The following MAST2 variants were observed in gnomAD, a reference collection of about 807,000 sequenced individuals.
MAST2 encodes the protein microtubule-associated serine/threonine-protein kinase 2.
A neutral mutation model predicts 147.4 loss-of-function variants in MAST2; 70 were observed. The observed-to-expected ratio is 0.47, with a 90% confidence interval of 0.39 to 0.58. MAST2 has a LOEUF of 0.58. Among genes scored for constraint, MAST2 ranks in the 20% least tolerant of loss-of-function variants. The pLI is 0.00. For synonymous variants in MAST2, 869 were observed against 896.8 expected, an observed-to-expected ratio of 0.97 and a Z score of 0.55; for missense variants, 2,080 against 2,302.3, an observed-to-expected ratio of 0.90 and a Z score of 1.98.
chr1:45,971,219 T>C (rs554371729), intron 5 of MAST2, among the ~76,000 whole-genome samples: 1 of 152,236 alleles, frequency 6.6e-6, no homozygotes, highest in East Asian at 1.9e-4. Flanking sequence ...GCAGAGATGT[T>C]TTCTGGTTTG....
intron 4 of MAST2, among the ~76,000 whole-genome samples, chr1:45,890,624 T>C (rs1647600213): frequency 6.6e-6 from 1 of 152,178 alleles, no homozygotes; most frequent in African/African-American, 2.4e-5. Context: ...AAAGAACCTA[T>C]ATGGAAATAT....
chr1:45,908,133 C>G (rs979174588), intron 4 of MAST2, among the ~76,000 whole-genome samples: 1 of 151,582 alleles, frequency 6.6e-6, no homozygotes, highest in Non-Finnish European at 1.5e-5. Flanking sequence ...TTTTTATTTT[C>G]TGTTCCTAAT....
At chr1:45,858,826 A>G (rs1251780769) in intron 3 of MAST2, among the ~76,000 whole-genome samples, 1 of 151,970 alleles carries the variant, frequency 6.6e-6, no homozygotes, top group Non-Finnish European at 1.5e-5. Flanking sequence ...TCAGCTTTCT[A>G]CATATGGCTA....
At chr1:46,016,696 T>C (rs1467752697) in intron 10 of MAST2, among the ~76,000 whole-genome samples, 3 of 152,316 alleles carry the variant, frequency 2.0e-5, no homozygotes, top group Middle Eastern at 3.4e-3. Flanking sequence ...TGGAAGAGCA[T>C]TCCATGCTCA....
Position 46,032,693 on chromosome 1 carries a change from C to T in MAST2, c.3512C>T (p.Thr1171Met), listed in dbSNP as rs777520826. 2.5e-6 allele frequency: 4 copies of T among 1,613,848 alleles called. No homozygotes were observed. Among genetic ancestry groups the T allele is most frequent in the East Asian group, 2.2e-5 (1 of 44,892 alleles). Residue 1171 changes from threonine to methionine, a missense_variant, in exon 26 of 29, where the codon ACG becomes ATG. By Grantham distance (81) the Thr-to-Met change is moderately conservative. This residue lies in a region of MAST2 where 1,278 missense variants were observed against 1,304.2 expected (regional missense o/e 0.98). Coordinates refer to ENST00000361297, the MANE Select transcript of MAST2 (RefSeq NM_015112.3). ...NGEPVHGLVH[T>M]EVVELILKSG... ...GAACCTGTGCATGGCCTGGTGCACA[C>T]GGAGGTGGTAGAGCTGATCCTGAAG...
chr1:45,923,999 G>A (rs1010631849), intron 4 of MAST2, among the ~76,000 whole-genome samples: 1 of 152,082 alleles, frequency 6.6e-6, no homozygotes, highest in Non-Finnish European at 1.5e-5. Context: ...AGCCTCCCCA[G>A]TAGCTGGGAT....
At chr1:45,854,326 C>T (rs923669766) in intron 3 of MAST2, among the ~76,000 whole-genome samples, 1 of 116,298 alleles carries the variant, frequency 8.6e-6, no homozygotes, top group African/African-American at 3.6e-5. Context: ...GACAGAGTGA[C>T]CCTCTGTCTC....
chr1:45,935,979 T>A (rs527982761), intron 4 of MAST2, among the ~76,000 whole-genome samples: 1 of 152,374 alleles, frequency 6.6e-6, no homozygotes, highest in South Asian at 2.1e-4. Context: ...GTAAATTGCT[T>A]TGGGCTGTAT....
intron 10 of MAST2, among the ~76,000 whole-genome samples, chr1:46,013,745 C>A (rs1371441063): frequency 6.6e-6 from 1 of 151,750 alleles, no homozygotes; most frequent in Non-Finnish European, 1.5e-5. Flanking sequence ...AGCAGTGTAG[C>A]TGTAGAGACA....
chr1:45,969,739 G>A (rs1448382410), intron 5 of MAST2, among the ~76,000 whole-genome samples: 2 of 152,068 alleles, frequency 1.3e-5, no homozygotes, highest in Non-Finnish European at 2.9e-5. Context: ...ATACATCACA[G>A]TGTAATAATA....
chr1:45,957,627 A>G (rs2148898200), intron 4 of MAST2, among the ~76,000 whole-genome samples: 1 of 151,824 alleles, frequency 6.6e-6, no homozygotes, highest in Middle Eastern at 3.4e-3. Flanking sequence ...ATGCCCAGCT[A>G]TTTTTTTTTA....
intron 4 of MAST2, 33 bp downstream of exon 4, chr1:45,882,428 A>G (rs1646893088): frequency 6.4e-6 from 10 of 1,557,122 alleles, no homozygotes; most frequent in Non-Finnish European, 8.0e-6. Context: ...TATGATTATG[A>G]TCTCCTACTT....
intron 4 of MAST2, among the ~76,000 whole-genome samples, chr1:45,887,902 A>T (rs185159247): frequency 6.6e-6 from 1 of 152,208 alleles, no homozygotes; most frequent in Non-Finnish European, 1.5e-5. Context: ...TAAGTGTCCA[A>T]TGGGAAGGCA....
intron 4 of MAST2, among the ~76,000 whole-genome samples, chr1:45,955,042 A>G (rs1419657716): frequency 6.6e-6 from 1 of 152,240 alleles, no homozygotes; most frequent in Non-Finnish European, 1.5e-5. Context: ...TCATTTAACA[A>G]ATACTTATTG....
chr1:45,932,987 A>G (rs917200692), intron 4 of MAST2, among the ~76,000 whole-genome samples: 4 of 147,128 alleles, frequency 2.7e-5, no homozygotes, highest in African/African-American at 1.0e-4. Flanking sequence ...TGAATCAGGC[A>G]TGGTATAATC....
At chr1:45,975,923 T>G (rs536640942) in intron 5 of MAST2, among the ~76,000 whole-genome samples, 1 of 152,218 alleles carries the variant, frequency 6.6e-6, no homozygotes, top group East Asian at 1.9e-4. Context: ...TATGTTCATT[T>G]TCTTGTGGAG....
intron 5 of MAST2, among the ~76,000 whole-genome samples, chr1:45,976,272 C>T (rs944975564): frequency 4.6e-5 from 7 of 152,076 alleles, no homozygotes; most frequent in Non-Finnish European, 8.8e-5. Flanking sequence ...CCACCACACC[C>T]GGGGAAAACT....
At chr1:45,879,121 A>G (rs764718362) in intron 3 of MAST2, among the ~76,000 whole-genome samples, 1 of 152,154 alleles carries the variant, frequency 6.6e-6, no homozygotes, top group African/African-American at 2.4e-5. Context: ...ATAGATCAGT[A>G]GGATGCAATA....
intron 1 of MAST2, among the ~76,000 whole-genome samples, chr1:45,823,515 T>C (rs1350290563): frequency 6.6e-6 from 1 of 152,040 alleles, no homozygotes; most frequent in Non-Finnish European, 1.5e-5. Flanking sequence ...TTTGTATTTT[T>C]AGTAGAGACA....
Sources: gnomAD v4.1 joint callset for allele counts (sites outside exome capture counted in the v4.1 genomes callset) on GRCh38, gnomAD v4.1.1 for gene constraint, gnomAD v4.1.1 regional missense constraint, MANE v1.5 for transcripts, NCBI Gene and HGNC (gene_info 2026-07-23, HGNC 2026-07-21) for gene names.